The following TBC1D19 variants were observed in gnomAD, a reference collection of about 807,000 sequenced individuals.
TBC1D19 encodes TBC1 domain family, member 19.
TBC1D19 carries 60 observed loss-of-function variants against 89.0 expected under a neutral mutation model. The observed-to-expected ratio is 0.67, with a 90% CI of 0.55 to 0.84. The LOEUF is 0.84. Among genes scored for constraint, TBC1D19 ranks in the 40% least tolerant of loss-of-function variants. The probability of loss-of-function intolerance (pLI) is 0.00; values close to 1 mark genes in which losing one functional copy is unlikely to be tolerated. For synonymous variants in TBC1D19, 189 were observed against 199.7 expected, an observed-to-expected ratio of 0.95 and a Z score of 0.45; for missense variants, 500 against 610.8, an observed-to-expected ratio of 0.82 and a Z score of 1.91.
chr4:26,851,309 C>CTA, the TBC1D19 span, among the ~76,000 whole-genome samples: 1 of 65,316 alleles, frequency 1.5e-5, no homozygotes, highest in Admixed American at 1.6e-4. Flanking sequence ...AATACCCTAT[C>CTA]TATCTATCTA....
At chr4:26,683,462 G>A (rs1050588912) in intron 11 of TBC1D19, among the ~76,000 whole-genome samples, 20 of 152,212 alleles carry the variant, frequency 1.3e-4, no homozygotes, top group African/African-American at 4.1e-4. Flanking sequence ...AAATATTGAC[G>A]GAATACTCAC....
At chr4:26,639,015 C>T (rs1225349441) in intron 6 of TBC1D19, among the ~76,000 whole-genome samples, 181 bp downstream of exon 6, 1 of 152,138 alleles carries the variant, frequency 6.6e-6, no homozygotes, top group African/African-American at 2.4e-5. Flanking sequence ...ACACCACATG[C>T]AACTAATAAA....
At chr4:26,628,927 A>G (rs1742614739) in intron 4 of TBC1D19, among the ~76,000 whole-genome samples, 1 of 152,052 alleles carries the variant, frequency 6.6e-6, no homozygotes, top group South Asian at 2.1e-4. Flanking sequence ...GAAAATGGCC[A>G]TACTGCCCAA....
chr4:26,736,146 C>CAA (rs56044342), intron 16 of TBC1D19, among the ~76,000 whole-genome samples: 63,204 of 76,404 alleles, frequency 0.83, 28,383 homozygotes, highest in Non-Finnish European at 1. Flanking sequence ...GGAACCAACC[C>CAA]ATGTCTAACA....
At chr4:26,686,618 G>A (rs886246018) in intron 12 of TBC1D19, among the ~76,000 whole-genome samples, 1 of 152,086 alleles carries the variant, frequency 6.6e-6, no homozygotes, top group Non-Finnish European at 1.5e-5. Flanking sequence ...ATGAGCTCTG[G>A]TCGGCCACAT....
chr4:26,715,186 A>G (rs1032339496), intron 13 of TBC1D19, among the ~76,000 whole-genome samples: 2 of 152,028 alleles, frequency 1.3e-5, no homozygotes, highest in African/African-American at 4.8e-5. Flanking sequence ...CAAATTTAGC[A>G]TGTTGAAAAA....
chr4:26,707,760 C>T (rs1414554870), intron 13 of TBC1D19, among the ~76,000 whole-genome samples: 1 of 151,314 alleles, frequency 6.6e-6, no homozygotes. Flanking sequence ...ATTTAACAAC[C>T]TAAAATTGTA....
the TBC1D19 span, among the ~76,000 whole-genome samples, chr4:26,804,732 G>A: frequency 6.6e-6 from 1 of 152,204 alleles, no homozygotes; most frequent in Non-Finnish European, 1.5e-5. Flanking sequence ...CTGTTCGCAG[G>A]TGTCAGTGAT....
chr4:26,789,042 T>C, the TBC1D19 span, among the ~76,000 whole-genome samples: 1 of 152,236 alleles, frequency 6.6e-6, no homozygotes, highest in African/African-American at 2.4e-5. Flanking sequence ...TCACCTCAAA[T>C]TGACCTTAGT....
At position 26,677,478 on chromosome 4, in the gene TBC1D19, C is replaced by T. The variant is rs191496667; in HGVS notation, c.816+3590C>T. On this transcript the variant is annotated intron_variant, in intron 11 of 20. Transcript: ENST00000264866. ...GGACTACAGGTGCCCGCCACTACACCGGCTAATTTTTTTTTGTATTTTTCA... is the reference window on the plus strand; with the variant it reads ...GGACTACAGGTGCCCGCCACTACACTGGCTAATTTTTTTTTGTATTTTTCA... Among the ~76,000 whole-genome samples, 16 of 152,118 alleles carry T rather than the reference C, an allele frequency of 1.1e-4. No homozygotes were observed. In the East Asian group the frequency reaches 1.4e-3, roughly 13 times the overall value.
At chr4:26,761,631 G>A in the TBC1D19 span, among the ~76,000 whole-genome samples, 2 of 151,986 alleles carry the variant, frequency 1.3e-5, no homozygotes, top group African/African-American at 4.8e-5. Context: ...TATACAGTAT[G>A]TCATCCATAA....
At chr4:26,756,838 G>A (rs1178633607), downstream of TBC1D19, among the ~76,000 whole-genome samples, 1 of 152,130 alleles carries the variant, frequency 6.6e-6, no homozygotes, top group East Asian at 1.9e-4. Context: ...CCATGCCATA[G>A]CAGATCCTTT....
chr4:26,591,948 A>G lies in TBC1D19; in HGVS notation c.99+7656A>G, dbSNP rs201525916. ...GTACCATTCCTTCTGAAACTATTCC[A>G]ATCAATAGAAAAAGAGGGAATCCTC... On this transcript the variant is annotated intron_variant, in intron 1 of 20. Transcript: ENST00000264866. Among the ~76,000 whole-genome samples the G allele has an allele frequency of 6.2e-4, 95 of 152,308 alleles. No individual in the cohort carries two copies. In the East Asian group the frequency reaches 0.015, roughly 24 times the overall value.
At chr4:26,690,304 A>G (rs897634600) in intron 13 of TBC1D19, among the ~76,000 whole-genome samples, 2 of 152,244 alleles carry the variant, frequency 1.3e-5, no homozygotes, top group African/African-American at 4.8e-5. Context: ...AAGGTGAAGC[A>G]GCAAGTGTTG....
At chr4:26,846,119 G>A in the TBC1D19 span, among the ~76,000 whole-genome samples, 1 of 151,690 alleles carries the variant, frequency 6.6e-6, no homozygotes, top group Non-Finnish European at 1.5e-5. Flanking sequence ...ATATGACATC[G>A]TGTATATATC....
chr4:26,622,537 A>G (rs1742126033), intron 4 of TBC1D19, among the ~76,000 whole-genome samples: 2 of 152,118 alleles, frequency 1.3e-5, no homozygotes, highest in African/African-American at 2.4e-5. Context: ...TTTCCCATGT[A>G]TATCACGGAT....
At chr4:26,841,332 G>A in the TBC1D19 span, among the ~76,000 whole-genome samples, 106 of 150,368 alleles carry the variant, frequency 7.0e-4, no homozygotes, top group African/African-American at 2.6e-3. Flanking sequence ...GTTGCAGTGA[G>A]CTGAGATCAC....
chr4:26,593,604 A>G (rs1373713815), intron 1 of TBC1D19, among the ~76,000 whole-genome samples: 2 of 152,240 alleles, frequency 1.3e-5, no homozygotes, highest in Admixed American at 6.5e-5. Flanking sequence ...ACAAAGGGCT[A>G]ATATCCAGAA....
the TBC1D19 span, among the ~76,000 whole-genome samples, chr4:26,801,325 C>T: frequency 1.4e-4 from 21 of 151,962 alleles, no homozygotes; most frequent in African/African-American, 3.1e-4. Context: ...TGTAGATATG[C>T]GGCATTATTT....
Sources: gnomAD v4.1 joint callset for allele counts (sites outside exome capture counted in the v4.1 genomes callset) on GRCh38, gnomAD v4.1.1 for gene constraint, MANE v1.5 for transcripts, NCBI Gene and HGNC (gene_info 2026-07-23, HGNC 2026-07-21) for gene names.